Variants in IGF1R observed in about 807,000 individuals in gnomAD.
The protein encoded by IGF1R is insulin like growth factor 1 receptor.
IGF1R carries 44 observed loss-of-function variants against 144.6 expected under a neutral mutation model. That is an observed-to-expected ratio of 0.30 (90% CI 0.24 to 0.39). The LOEUF (loss-of-function observed/expected upper bound fraction) is 0.39, where lower values mean the gene tolerates loss of function less well. Among genes scored for constraint, IGF1R ranks in the 10% least tolerant of loss-of-function variants. The probability of loss-of-function intolerance (pLI) is 1.00; values close to 1 mark genes in which losing one functional copy is unlikely to be tolerated. For synonymous variants in IGF1R, 795 were observed against 722.8 expected (o/e 1.10, Z -1.60); for missense variants, 1,355 against 1,833.7 (o/e 0.74, Z 4.77).
chr15:98,846,208 A>T (rs1013109229), intron 2 of IGF1R, among the ~76,000 whole-genome samples: 2 of 152,230 alleles, frequency 1.3e-5, no homozygotes, highest in Admixed American at 1.3e-4. Flanking sequence ...ATAAGCCTGC[A>T]TAAAAAGCAG....
intron 2 of IGF1R, among the ~76,000 whole-genome samples, chr15:98,800,869 A>G (rs1212937174): frequency 3.3e-5 from 5 of 152,230 alleles, no homozygotes; most frequent in Non-Finnish European, 5.9e-5. Flanking sequence ...GCAGTTGGGT[A>G]ATACATTTCA....
intron 2 of IGF1R, among the ~76,000 whole-genome samples, chr15:98,830,603 A>ATTTTTTTTTTT (rs1555450173): frequency 7.5e-6 from 1 of 133,720 alleles, no homozygotes; most frequent in African/African-American, 3.3e-5. Context: ...TCTGATCATC[A>ATTTTTTTTTTT]TCTTTTTTTT....
At chr15:98,689,871 T>C (rs1361191123) in intron 1 of IGF1R, among the ~76,000 whole-genome samples, 1 of 152,150 alleles carries the variant, frequency 6.6e-6, no homozygotes, top group Non-Finnish European at 1.5e-5. Flanking sequence ...TCCCTCACAC[T>C]GTCCTCACGC....
intron 2 of IGF1R, among the ~76,000 whole-genome samples, chr15:98,733,411 G>A (rs1385557417): frequency 6.6e-6 from 1 of 151,912 alleles, no homozygotes; most frequent in East Asian, 1.9e-4. Context: ...TGGGGTCTTG[G>A]GCTCAAGTTA....
At chr15:98,928,782 C>G (rs1230494629) in intron 13 of IGF1R, among the ~76,000 whole-genome samples, 1 of 152,072 alleles carries the variant, frequency 6.6e-6, no homozygotes, top group Non-Finnish European at 1.5e-5. Context: ...GTCCATGTGC[C>G]TGGTGCCCAG....
At chr15:98,933,596 G>A (rs1227228901) in intron 15 of IGF1R, among the ~76,000 whole-genome samples, 1 of 152,168 alleles carries the variant, frequency 6.6e-6, no homozygotes, top group Non-Finnish European at 1.5e-5. Context: ...CTTGGCCTAC[G>A]ATTACAGGCA....
At chr15:98,947,670 T>G (rs748297005) in intron 19 of IGF1R, among the ~76,000 whole-genome samples, 3 of 152,242 alleles carry the variant, frequency 2.0e-5, no homozygotes, top group Non-Finnish European at 2.9e-5. Flanking sequence ...CTGTTTTGTT[T>G]TCCAGTGGTT....
intron 20 of IGF1R, among the ~76,000 whole-genome samples, chr15:98,948,985 A>G (rs138179388): frequency 1.1e-4 from 17 of 152,312 alleles, no homozygotes; most frequent in African/African-American, 3.8e-4. Flanking sequence ...TCTCTGTGAA[A>G]TGTTTGGCCA....
chr15:98,680,100 T>C (rs534225592), intron 1 of IGF1R, among the ~76,000 whole-genome samples: 1 of 152,238 alleles, frequency 6.6e-6, no homozygotes, highest in Non-Finnish European at 1.5e-5. Context: ...GAAAGAAATT[T>C]TTAAATAAAT....
chr15:98,722,528 C>A (rs2054269231), intron 2 of IGF1R, among the ~76,000 whole-genome samples: 1 of 152,152 alleles, frequency 6.6e-6, no homozygotes, highest in Non-Finnish European at 1.5e-5. Context: ...GCCAGTGTCC[C>A]TCTGCCCCCC....
At chr15:98,709,734 A>T (rs1318916452) in intron 2 of IGF1R, among the ~76,000 whole-genome samples, 1 of 152,108 alleles carries the variant, frequency 6.6e-6, no homozygotes, top group Non-Finnish European at 1.5e-5. Context: ...CTTTTTTAGG[A>T]TATTTCTAGG....
Position 98,924,550 on chromosome 15 carries a change from A to C in IGF1R, c.2648A>C (p.Gln883Pro), listed in dbSNP as rs778092387. 2 of 1,614,204 alleles carry C rather than the reference A, an allele frequency of 1.2e-6. No homozygotes were observed. The highest frequency in any genetic ancestry group is 1.7e-6 in the Non-Finnish European group (2 of 1,179,996). Residue 883 changes from glutamine to proline, a missense_variant, in exon 13 of 21, where the codon CAG becomes CCG. By Grantham distance (76) the Gln-to-Pro change is moderately conservative (BLOSUM62 -1). Transcript: ENST00000650285. ...GATCAGCGAGAATGTGTGTCCAGAC[A>C]GGAATACAGGAAGTATGGAGGGGCC... ...VEDQRECVSR[Q>P]EYRKYGGAKL...
At chr15:98,795,934 C>T (rs1313463738) in intron 2 of IGF1R, among the ~76,000 whole-genome samples, 1 of 152,194 alleles carries the variant, frequency 6.6e-6, no homozygotes, top group Admixed American at 6.5e-5. Context: ...TAAATCACCG[C>T]TAAGATTTAT....
intron 1 of IGF1R, among the ~76,000 whole-genome samples, chr15:98,705,848 A>T (rs1242737283): frequency 6.6e-6 from 1 of 152,140 alleles, no homozygotes; most frequent in Non-Finnish European, 1.5e-5. Flanking sequence ...GAAAGTTCTT[A>T]TCCCCACATG....
chr15:98,939,356 C>T lies in IGF1R; in HGVS notation c.3453C>T (p.Ile1151=), dbSNP rs375579623. The T allele has an allele frequency of 1.4e-5, 22 of 1,613,926 alleles. No individual in the cohort carries two copies. Among genetic ancestry groups the T allele is most frequent in the Middle Eastern group, 1.6e-4 (1 of 6,084 alleles). The change falls in exon 18 of 21, where the codon ATC becomes ATT. Residue 1151 remains isoleucine (I), a synonymous_variant. Coordinates refer to ENST00000650285, the MANE Select transcript of IGF1R (RefSeq NM_000875.5). ...TAGCCGAAGATTTCACAGTCAAAAT[C>T]GGAGGTGTGTCCTTAGCTTTCCAGG... is the stretch of plus-strand genomic sequence containing the variant. ...CMVAEDFTVK[I]GDFGMTRDIY...
intron 2 of IGF1R, among the ~76,000 whole-genome samples, chr15:98,756,499 AC>A (rs1304033745): frequency 1.3e-5 from 2 of 151,852 alleles, no homozygotes; most frequent in Non-Finnish European, 2.9e-5. Flanking sequence ...GGTAATCATA[AC>A]CCTTTCTCAT....
chr15:98,944,873 A>G (rs2016493664), intron 19 of IGF1R, among the ~76,000 whole-genome samples: 1 of 151,778 alleles, frequency 6.6e-6, no homozygotes, highest in South Asian at 2.1e-4. Flanking sequence ...GTGTTCTGCT[A>G]CGTCAGCCTC....
At chr15:98,692,607 T>TTTAG (rs2053503051) in intron 1 of IGF1R, among the ~76,000 whole-genome samples, 1 of 152,242 alleles carries the variant, frequency 6.6e-6, no homozygotes, top group East Asian at 1.9e-4. Context: ...AGTTTGGACT[T>TTTAG]TCCAGTAACA....
intron 20 of IGF1R, among the ~76,000 whole-genome samples, chr15:98,953,604 C>T (rs905218333): frequency 1.3e-5 from 2 of 152,084 alleles, no homozygotes; most frequent in African/African-American, 2.4e-5. Context: ...GAGGTGTGAA[C>T]GCAGCCGTGG....
Sources: gnomAD v4.1 joint callset for allele counts (sites outside exome capture counted in the v4.1 genomes callset) on GRCh38, gnomAD v4.1.1 for gene constraint, MANE v1.5 for transcripts, NCBI Gene and HGNC (gene_info 2026-07-23, HGNC 2026-07-21) for gene names.